ZNF704: variants seen among roughly 807,000 people sequenced by gnomAD.
ZNF704 encodes zinc finger protein 704, also known as glucocorticoid induced gene 1.
A neutral mutation model predicts 44.7 loss-of-function variants in ZNF704; 10 were observed. The ratio of observed to expected loss-of-function variants is 0.22; its 90% confidence interval spans 0.14 to 0.38. The LOEUF is 0.38. ZNF704 is among the 10% of genes least tolerant of loss of function. The probability of loss-of-function intolerance (pLI) is 1.00; values close to 1 mark genes in which losing one functional copy is unlikely to be tolerated. For missense variants in ZNF704, 390 were observed against 545.5 expected (o/e 0.71, Z 2.84); for synonymous variants, 211 against 207.6 (o/e 1.02, Z -0.14).
intron 2 of ZNF704, among the ~76,000 whole-genome samples, chr8:80,781,278 C>T (rs1807518010): frequency 6.6e-6 from 1 of 152,138 alleles, no homozygotes; most frequent in African/African-American, 2.4e-5. Flanking sequence ...CTGTAAAGGG[C>T]CATATCTGTA....
At chr8:80,671,101 C>T (rs1336466984) in intron 4 of ZNF704, among the ~76,000 whole-genome samples, 1 of 152,180 alleles carries the variant, frequency 6.6e-6, no homozygotes, top group Non-Finnish European at 1.5e-5. Context: ...TACAAAATTC[C>T]ACCTCTTCAA....
At chr8:80,648,760 G>C (rs567390671) in intron 7 of ZNF704, among the ~76,000 whole-genome samples, 48 of 152,248 alleles carry the variant, frequency 3.2e-4, no homozygotes, top group African/African-American at 1.1e-3. Flanking sequence ...CCCTATCATA[G>C]CCATAATTTC....
chr8:80,780,212 G>T (rs910276381), intron 2 of ZNF704, among the ~76,000 whole-genome samples: 4 of 152,084 alleles, frequency 2.6e-5, no homozygotes, highest in Non-Finnish European at 1.5e-5. Context: ...AGAAGAAAGA[G>T]AAAGAAATGG....
chr8:80,816,973 A>G (rs2129862733), intron 2 of ZNF704, among the ~76,000 whole-genome samples: 1 of 152,244 alleles, frequency 6.6e-6, no homozygotes, highest in East Asian at 1.9e-4. Context: ...ACCCCAAGAA[A>G]CTCAGAAGAG....
chr8:80,683,505 C>T (rs1323463998), intron 4 of ZNF704, among the ~76,000 whole-genome samples: 2 of 152,166 alleles, frequency 1.3e-5, no homozygotes, highest in Non-Finnish European at 2.9e-5. Context: ...ACGTTTTTCT[C>T]CTCTGTGGGC....
rs1388033803 is a variant in ZNF704, at chr8:80,633,896, C to G, written c.*7470G>C. 6.6e-6 allele frequency: 1 copy of G among 152,090 alleles called. No individual in the cohort carries two copies. Among genetic ancestry groups the G allele is most frequent in the Non-Finnish European group, 1.5e-5 (1 of 68,010 alleles). 9.4% of individuals were successfully genotyped at this position (152,090 alleles called of 1,614,324 possible). On this transcript the variant is annotated 3_prime_UTR_variant, in exon 9 of 9. Coordinates refer to ENST00000327835, the MANE Select transcript of ZNF704 (RefSeq NM_001033723.3). Reference sequence around the variant, plus strand: ...ATAATTTATTCTCATTTTGCTTTCCCCTCAAAGATGCTAGGGTTTTGTATG... The same window carrying G: ...ATAATTTATTCTCATTTTGCTTTCCGCTCAAAGATGCTAGGGTTTTGTATG...
At chr8:80,868,902 A>G (rs1419441630) in intron 1 of ZNF704, among the ~76,000 whole-genome samples, 2 of 151,876 alleles carry the variant, frequency 1.3e-5, no homozygotes, top group African/African-American at 4.8e-5. Context: ...CTTTCTTTCT[A>G]TTGCTCACTC....
intron 2 of ZNF704, among the ~76,000 whole-genome samples, chr8:80,780,442 T>C (rs1258041513): frequency 6.6e-6 from 1 of 152,016 alleles, no homozygotes; most frequent in African/African-American, 2.4e-5. Flanking sequence ...GGCATGTGTA[T>C]TGAGTTGGAT....
intron 7 of ZNF704, among the ~76,000 whole-genome samples, chr8:80,652,727 T>C (rs937281629): frequency 6.6e-6 from 1 of 152,190 alleles, no homozygotes; most frequent in African/African-American, 2.4e-5. Flanking sequence ...ACAGCCAAAT[T>C]CTACCAGAGG....
chr8:80,652,941 C>T (rs1245461690), intron 7 of ZNF704, among the ~76,000 whole-genome samples: 1 of 152,190 alleles, frequency 6.6e-6, no homozygotes, highest in Non-Finnish European at 1.5e-5. Flanking sequence ...CAAACCAAAT[C>T]CAGCAGCACA....
chr8:80,744,296 G>A (rs1026081159), intron 2 of ZNF704, among the ~76,000 whole-genome samples: 1 of 151,902 alleles, frequency 6.6e-6, no homozygotes, highest in South Asian at 2.1e-4. Flanking sequence ...TATATATTTG[G>A]ATGGCACTGT....
chr8:80,770,523 T>C (rs1269808269), intron 2 of ZNF704, among the ~76,000 whole-genome samples: 1 of 152,222 alleles, frequency 6.6e-6, no homozygotes, highest in African/African-American at 2.4e-5. Context: ...GAACTGTCTG[T>C]TCATGTTGTT....
intron 1 of ZNF704, among the ~76,000 whole-genome samples, chr8:80,870,497 A>G (rs1449348586): frequency 6.6e-6 from 1 of 152,164 alleles, no homozygotes; most frequent in African/African-American, 2.4e-5. Context: ...ATCCAAATGA[A>G]CATCTCTCTC....
At chr8:80,858,626 G>GAA (rs1563579338) in intron 1 of ZNF704, among the ~76,000 whole-genome samples, 1 of 151,810 alleles carries the variant, frequency 6.6e-6, no homozygotes, top group Non-Finnish European at 1.5e-5. Context: ...CCAGCTGTTC[G>GAA]GGAGGCTGAG....
At chr8:80,803,605 T>C (rs1232496230) in intron 2 of ZNF704, among the ~76,000 whole-genome samples, 1 of 152,174 alleles carries the variant, frequency 6.6e-6, no homozygotes, top group Non-Finnish European at 1.5e-5. Flanking sequence ...ATTTAATAAA[T>C]GGTGCTGGGA....
chr8:80,662,000 T>C (rs1818109303), intron 6 of ZNF704, among the ~76,000 whole-genome samples: 1 of 152,166 alleles, frequency 6.6e-6, no homozygotes, highest in South Asian at 2.1e-4. Flanking sequence ...ATATTCAAAA[T>C]ACCCTGACTT....
chr8:80,653,245 T>C (rs1001009104), intron 7 of ZNF704, among the ~76,000 whole-genome samples: 1 of 152,166 alleles, frequency 6.6e-6, no homozygotes, highest in African/African-American at 2.4e-5. Flanking sequence ...AGCATTCCCT[T>C]TGAAAACTGG....
At chr8:80,800,959 G>T (rs1807889287) in intron 2 of ZNF704, among the ~76,000 whole-genome samples, 1 of 152,088 alleles carries the variant, frequency 6.6e-6, no homozygotes, top group African/African-American at 2.4e-5. Context: ...ATAAAGGGAT[G>T]GAGGAAAATG....
At chr8:80,768,215 T>C (rs1177548908) in intron 2 of ZNF704, among the ~76,000 whole-genome samples, 2 of 152,204 alleles carry the variant, frequency 1.3e-5, no homozygotes, top group Non-Finnish European at 2.9e-5. Context: ...GAAATGATTC[T>C]TTAATACTAA....
Sources: gnomAD v4.1 joint callset for allele counts (sites outside exome capture counted in the v4.1 genomes callset) on GRCh38, gnomAD v4.1.1 for gene constraint, MANE v1.5 for transcripts, NCBI Gene and HGNC (gene_info 2026-07-23, HGNC 2026-07-21) for gene names.